The following PXK variants were observed in gnomAD, a reference collection of about 807,000 sequenced individuals.
The protein encoded by PXK is PX domain-containing protein kinase-like protein.
PXK carries 35 observed loss-of-function variants against 84.7 expected under a neutral mutation model. The ratio of observed to expected loss-of-function variants is 0.41; its 90% CI spans 0.32 to 0.55. The LOEUF (loss-of-function observed/expected upper bound fraction) is 0.55. Among genes scored for constraint, PXK ranks in the 20% least tolerant of loss-of-function variants. The pLI, the probability that PXK is intolerant of heterozygous loss-of-function variation, is 0.21. For synonymous variants in PXK, 253 were observed against 260.8 expected, an observed-to-expected ratio of 0.97 and a Z score of 0.29; for missense variants, 634 against 699.7, an observed-to-expected ratio of 0.91 and a Z score of 1.06.
At chr3:58,366,316 C>G (rs1490982993) in intron 2 of PXK, among the ~76,000 whole-genome samples, 2 of 152,148 alleles carry the variant, frequency 1.3e-5, no homozygotes, top group Non-Finnish European at 2.9e-5. Context: ...TGGGCCACTA[C>G]ATTTTATGGA....
In PXK at chr3:58,422,203, A is replaced by AG. The variant is rs2061995792; in HGVS notation, c.1529-2548dup. On this transcript the variant is annotated intron_variant, in intron 17 of 17. Coordinates refer to ENST00000356151, the MANE Select transcript of PXK (RefSeq NM_017771.5). ...CAAAAACAATCAATGGGGCAGACTG[A>AG]GTGAGACCGAGTCCCAGGTCTGTGT... 6.1e-6 allele frequency: 6 copies of AG among 985,386 alleles called. No individual in the cohort carries two copies. The South Asian group carries it at 2.8e-4, about 46-fold the overall frequency. The allele number at this position is 985,386 out of a possible 1,614,324, so 61.0% of individuals were successfully genotyped here.
chr3:58,423,666 C>T (rs555048420), intron 17 of PXK, among the ~76,000 whole-genome samples: 4 of 152,164 alleles, frequency 2.6e-5, no homozygotes, highest in African/African-American at 4.8e-5. Context: ...GGGGAAACCA[C>T]CTGGCAGAAT....
rs2058522692 is a variant in PXK, at chr3:58,401,332, A to G, written c.1181+1955A>G. 1.3e-5 allele frequency among the ~76,000 whole-genome samples: 2 copies of G among 151,986 alleles called. No individual in the cohort carries two copies. The highest frequency in any genetic ancestry group is 2.9e-5 in the Non-Finnish European group (2 of 67,986). ...TCCCATCTTTAAAAAAGAGTAATAT[A>G]GCTGGGCGCGGTGGCTCACACCTAT... On this transcript the variant is annotated intron_variant, in intron 12 of 17. Coordinates refer to ENST00000356151, the MANE Select transcript of PXK (RefSeq NM_017771.5). The surrounding 1 kb of genome is among the most constrained non-coding windows in gnomAD (Gnocchi z 4.4).
chr3:58,420,687 CTA>C, intron 17 of PXK: 1 of 1,506,756 alleles, frequency 6.6e-7, no homozygotes, highest in Non-Finnish European at 8.8e-7. Flanking sequence ...AGATTTGAGA[CTA>C]TTTCCTTATC....
chr3:58,391,450 T>C (rs2098630592), intron 6 of PXK, among the ~76,000 whole-genome samples: 1 of 152,024 alleles, frequency 6.6e-6, no homozygotes, highest in African/African-American at 2.4e-5. Flanking sequence ...CAAGAACAGC[T>C]TAAAATAACT....
intron 1 of PXK, among the ~76,000 whole-genome samples, chr3:58,348,008 G>A (rs1041515232): frequency 6.6e-6 from 1 of 152,040 alleles, no homozygotes; most frequent in Non-Finnish European, 1.5e-5. Context: ...TCACCTCCCG[G>A]GTTCAAGTGA....
At chr3:58,406,893 C>T (rs535185907) in intron 13 of PXK, among the ~76,000 whole-genome samples, 10 of 152,218 alleles carry the variant, frequency 6.6e-5, no homozygotes, top group African/African-American at 2.4e-4. Context: ...ACAAGATTTC[C>T]TTCTATTTTT....
intron 1 of PXK, among the ~76,000 whole-genome samples, chr3:58,363,454 C>G (rs2098222359): frequency 6.6e-6 from 1 of 152,142 alleles, no homozygotes; most frequent in Non-Finnish European, 1.5e-5. Flanking sequence ...TCCTGAGTAG[C>G]TGGGACTACA....
intron 1 of PXK, among the ~76,000 whole-genome samples, chr3:58,347,320 T>C (rs1159095579): frequency 6.6e-6 from 1 of 152,192 alleles, no homozygotes; most frequent in Non-Finnish European, 1.5e-5. Context: ...TTGATAAATC[T>C]TGACAAATAT....
chr3:58,351,048 G>C (rs188822008), intron 1 of PXK, among the ~76,000 whole-genome samples: 20 of 152,170 alleles, frequency 1.3e-4, no homozygotes, highest in Admixed American at 1.3e-3. Flanking sequence ...TTCATCTTCT[G>C]TTTTCCCAGT....
intron 1 of PXK, among the ~76,000 whole-genome samples, chr3:58,345,063 C>G (rs1340654664): frequency 6.6e-6 from 1 of 152,134 alleles, no homozygotes; most frequent in Admixed American, 6.5e-5. Flanking sequence ...ACTGTACTGC[C>G]TATTAAGATA....
intron 3 of PXK, among the ~76,000 whole-genome samples, chr3:58,372,051 G>A (rs1478054951): frequency 6.6e-6 from 1 of 152,004 alleles, no homozygotes. Context: ...TGCAGAGTTG[G>A]ACACATGTCT....
chr3:58,358,457 G>A (rs2098127538), intron 1 of PXK, among the ~76,000 whole-genome samples: 1 of 152,146 alleles, frequency 6.6e-6, no homozygotes, highest in African/African-American at 2.4e-5. Context: ...GCTACAAATG[G>A]TGTTGCATGT....
intron 4 of PXK, 129 bp downstream of exon 4, chr3:58,382,829 G>T: frequency 4.7e-6 from 3 of 644,154 alleles, no homozygotes; most frequent in Non-Finnish European, 7.1e-6. Context: ...AGCATATTAT[G>T]AATTTACTAA....
chr3:58,343,952 A>G (rs1381498972), intron 1 of PXK, among the ~76,000 whole-genome samples: 1 of 152,030 alleles, frequency 6.6e-6, no homozygotes, highest in African/African-American at 2.4e-5. Flanking sequence ...TCAAAGGTAC[A>G]CTCATTTTAT....
chr3:58,344,094 C>T (rs1053289242), intron 1 of PXK, among the ~76,000 whole-genome samples: 4 of 152,148 alleles, frequency 2.6e-5, no homozygotes, highest in Non-Finnish European at 5.9e-5. Context: ...CGCTTGATTT[C>T]TCCAGCCTCA....
chr3:58,375,967 AAAT>A (rs1394178482), intron 3 of PXK, among the ~76,000 whole-genome samples: 3 of 152,164 alleles, frequency 2.0e-5, no homozygotes, highest in Non-Finnish European at 4.4e-5. Context: ...CTACCCTCCA[AAAT>A]AATAATTATC....
At chr3:58,415,699 T>TTGCAGTG (rs2060851862) in intron 17 of PXK, among the ~76,000 whole-genome samples, 1 of 152,316 alleles carries the variant, frequency 6.6e-6, no homozygotes, top group African/African-American at 2.4e-5. Flanking sequence ...ACCAAGGCTG[T>TTGCAGTG]TGCAGTGACA....
chr3:58,410,017 C>T, intron 15 of PXK, 73 bp from the exon 16 acceptor site: 1 of 957,520 alleles, frequency 1.0e-6, no homozygotes. Flanking sequence ...TATTTTTATT[C>T]TAACTCCCAG....
Sources: allele counts gnomAD v4.1 joint callset (sites outside exome capture counted in the v4.1 genomes callset), GRCh38; gene constraint gnomAD v4.1.1; non-coding constraint Gnocchi (gnomAD v3.1); transcripts MANE v1.5; gene names NCBI Gene and HGNC (gene_info 2026-07-23, HGNC 2026-07-21).